Variants in SLC7A9 observed in about 807,000 individuals in gnomAD.
SLC7A9 encodes the protein B(0,+)-type amino acid transporter 1.
SLC7A9 carries 38 observed loss-of-function variants against 54.1 expected under a neutral mutation model. The observed-to-expected ratio is 0.70, with a 90% confidence interval of 0.54 to 0.92. The LOEUF (loss-of-function observed/expected upper bound fraction) is 0.92, where lower values mean the gene tolerates loss of function less well. Ranked by LOEUF, SLC7A9 falls within the 40% of genes least tolerant of loss-of-function variation. The pLI, the probability that SLC7A9 is intolerant of heterozygous loss-of-function variation, is 0.00. For synonymous variants in SLC7A9, 264 were observed against 258.9 expected (o/e 1.02, Z -0.19); for missense variants, 537 against 636.1 (o/e 0.84, Z 1.68).
rs752681027 is a variant in SLC7A9 at position 32,842,209 on chromosome 19, C to T, written c.1183G>A (p.Val395Met). The T allele has an allele frequency of 1.7e-5, 28 of 1,613,980 alleles. 1 individual carries two copies. The highest frequency in any genetic ancestry group is 1.3e-4 in the East Asian group (6 of 44,890). ...FYGLTILGLI[V>M]MRFTRKELER... is the part of the protein sequence containing the mutation. ...AGCTCTTTCCTTGTAAATCTCATCA[C>T]GATGAGTCCTAGAATCGTCAGGCCA... The change falls in exon 11 of 13, where the codon GTG (valine) becomes ATG (methionine). Residue 395 changes from valine to methionine, a missense_variant. By Grantham distance (21) the Val-to-Met change is conservative. Coordinates refer to ENST00000023064, the MANE Select transcript of SLC7A9 (RefSeq NM_014270.5).
At position 32,864,126 on chromosome 19, in the gene SLC7A9, C is replaced by T. The variant is rs768355648; in HGVS notation, c.448G>A (p.Val150Ile). Residue 150 changes from valine (V) to isoleucine (I), a missense_variant, in exon 4 of 13, where the codon GTT becomes ATT. By Grantham distance (29) the Val-to-Ile change is conservative. Transcript: ENST00000023064. ...GCGGCGGCGGCCAGGCATTTCACAA[C>T]GATTTGAGGAGGCTTGCAGCCCACA... ...FYVGCKPPQIVVKCLAAAAIL... is the reference protein window; with the variant it reads ...FYVGCKPPQIIVKCLAAAAIL... 23 of 1,614,064 alleles carry T rather than the reference C, an allele frequency of 1.4e-5. No homozygotes were observed. The highest frequency in any genetic ancestry group is 1.3e-4 in the Admixed American group (8 of 60,000).
chr19:32,862,091 G>A lies in SLC7A9; in HGVS notation c.704+27C>T, dbSNP rs551185308. The A allele has an allele frequency of 6.6e-6, 10 of 1,503,928 alleles. No homozygotes were observed. The South Asian group carries it at 1.1e-4, about 17-fold the overall frequency. 93.2% of individuals were successfully genotyped at this position (1,503,928 alleles called of 1,614,324 possible). A position where few individuals can be genotyped will look rare whatever the true frequency, so the allele number is the denominator to read the frequency against. ...ACCTGGAGAACCCCACCCACCCCCA[G>A]ACTCGGGACATCTCAGGACACCTCA... On this transcript the variant is annotated intron_variant, in intron 6 of 12. Coordinates refer to ENST00000023064, the MANE Select transcript of SLC7A9 (RefSeq NM_014270.5).
At chr19:32,842,783 T>G (rs931873904) in intron 10 of SLC7A9, among the ~76,000 whole-genome samples, 4 of 152,134 alleles carry the variant, frequency 2.6e-5, no homozygotes, top group Non-Finnish European at 5.9e-5. Flanking sequence ...CGGCTAATTT[T>G]TGTATTTTTA....
chr19:32,847,608 C>G (rs1968338568), intron 9 of SLC7A9, among the ~76,000 whole-genome samples: 1 of 152,168 alleles, frequency 6.6e-6, no homozygotes, highest in African/African-American at 2.4e-5. Context: ...TTGGAAAACA[C>G]TCTGCAGGGT....
At chr19:32,854,059 G>C (rs1217568963) in intron 9 of SLC7A9, among the ~76,000 whole-genome samples, 2 of 150,680 alleles carry the variant, frequency 1.3e-5, no homozygotes, top group East Asian at 3.9e-4. Flanking sequence ...CCAGGCTGGA[G>C]TGCAGTGCAG....
In SLC7A9 at chr19:32,839,042, T is replaced by A. The variant is rs979567771; in HGVS notation, c.1224+3126A>T. 3.9e-5 allele frequency among the ~76,000 whole-genome samples: 6 copies of A among 152,182 alleles called. No individual in the cohort carries two copies. The South Asian group carries it at 6.2e-4, about 16-fold the overall frequency. On this transcript the variant is annotated intron_variant, in intron 11 of 12. Transcript: ENST00000023064. ...CATCTAATTTAAAGTGGCTTCCTTA[T>A]TGGCAGCTTGTCTGGCATACTTTCC...
At chr19:32,854,927 T>C (rs1210621346) in intron 9 of SLC7A9, among the ~76,000 whole-genome samples, 1 of 152,134 alleles carries the variant, frequency 6.6e-6, no homozygotes, top group Non-Finnish European at 1.5e-5. Context: ...ATATGCCAGA[T>C]ACCTGCACTC....
intron 2 of SLC7A9, among the ~76,000 whole-genome samples, chr19:32,866,630 T>G (rs1218644908): frequency 6.6e-6 from 1 of 152,302 alleles, no homozygotes; most frequent in East Asian, 1.9e-4. Flanking sequence ...TCAGCTGTGC[T>G]CTGTGGCCAC....
At chr19:32,869,072 A>AT (rs931055917) in intron 1 of SLC7A9, among the ~76,000 whole-genome samples, 1 of 137,186 alleles carries the variant, frequency 7.3e-6, no homozygotes, top group Non-Finnish European at 1.6e-5. Flanking sequence ...AAAAAAAAAA[A>AT]TTAGCTGGGT....
chr19:32,859,873 T>C lies in SLC7A9; in HGVS notation c.841A>G (p.Thr281Ala). 4 of 1,614,068 alleles carry C rather than the reference T, an allele frequency of 2.5e-6. No individual in the cohort carries two copies. The highest frequency in any genetic ancestry group is 3.4e-6 in the Non-Finnish European group (4 of 1,179,982). Reference protein sequence around the residue: ...NVSYFTVMTATELLQSQAVAV... With the variant: ...NVSYFTVMTAAELLQSQAVAV... ...ACCGCCTGGGACTGCAGGAGTTCGGTGGCAGTCATCACGGTGAAGTAGGAC... is the reference window on the plus strand; with the variant it reads ...ACCGCCTGGGACTGCAGGAGTTCGGCGGCAGTCATCACGGTGAAGTAGGAC... Residue 281 changes from threonine (T) to alanine (A), a missense_variant, in exon 8 of 13, where the codon ACC (threonine) becomes GCC (alanine). Transcript: ENST00000023064.
chr19:32,867,687 G>A (rs1362928516), intron 2 of SLC7A9, among the ~76,000 whole-genome samples: 2 of 151,440 alleles, frequency 1.3e-5, no homozygotes, highest in Admixed American at 1.3e-4. Flanking sequence ...GCTCATGCCT[G>A]TAATCCCAAC....
chr19:32,845,312 T>C (rs967072170), intron 9 of SLC7A9, among the ~76,000 whole-genome samples: 1 of 151,966 alleles, frequency 6.6e-6, no homozygotes, highest in African/African-American at 2.4e-5. Context: ...CTAACCAACA[T>C]GGGGAAACCC....
chr19:32,864,914 G>T, intron 2 of SLC7A9, 138 bp from the exon 3 acceptor site: 2 of 1,113,124 alleles, frequency 1.8e-6, no homozygotes, highest in Non-Finnish European at 2.7e-6. Context: ...CTGAGCGGCT[G>T]CCCTGGCAAC....
intron 11 of SLC7A9, among the ~76,000 whole-genome samples, chr19:32,838,550 G>A (rs1968031650): frequency 6.8e-6 from 1 of 147,268 alleles, no homozygotes. Flanking sequence ...TTGTATATAT[G>A]TTATATATTA....
chr19:32,863,867 G>A (rs1350770421), intron 4 of SLC7A9, among the ~76,000 whole-genome samples: 1 of 152,218 alleles, frequency 6.6e-6, no homozygotes, highest in Non-Finnish European at 1.5e-5. Context: ...GAGAAGCTGG[G>A]CCCTGAGCCA....
chr19:32,830,547 AAAGG>A lies in SLC7A9; in HGVS notation c.*69_*72del, dbSNP rs1238894814. The A allele has an allele frequency of 1.7e-6, 2 of 1,161,774 alleles. No homozygotes were observed. Among genetic ancestry groups the A allele is most frequent in the Admixed American group, 1.7e-5 (1 of 59,300 alleles). The allele number at this position is 1,161,774 out of a possible 1,614,324, so 72.0% of individuals were successfully genotyped here. ...TGAGTATATTTTATTCGTAAGAAAA[AAAGG>A]AAGAAATAACCACAAATATTGCTTA... is the stretch of plus-strand genomic sequence containing the variant. On this transcript the variant is annotated 3_prime_UTR_variant, in exon 13 of 13. Coordinates refer to ENST00000023064, the MANE Select transcript of SLC7A9 (RefSeq NM_014270.5).
chr19:32,862,668 ATTTTT>A, intron 4 of SLC7A9, 82 bp from the exon 5 acceptor site: 3 of 1,000,644 alleles, frequency 3.0e-6, no homozygotes, highest in Non-Finnish European at 3.9e-6. Context: ...TATATTTTTT[ATTTTT>A]TTTTTTTTTT....
In SLC7A9 at chr19:32,844,857, C is replaced by CAAAAAA. The variant is rs386388892; in HGVS notation, c.978-912_978-907dup. 5.6e-4 allele frequency among the ~76,000 whole-genome samples: 17 copies of CAAAAAA among 30,316 alleles called. 6 individuals carry two copies. Among genetic ancestry groups the CAAAAAA allele is most frequent in the Admixed American group, 7.0e-4 (1 of 1,420 alleles). The allele number at this position is 30,316 out of a possible 152,430, so 19.9% of individuals were successfully genotyped here. A position where few individuals can be genotyped will look rare whatever the true frequency, so the allele number is the denominator to read the frequency against. ...TGGACGACAGAGTGAGAATCCATCT[C>CAAAAAA]AAAAAAAAAAAAAAAAAAAAAAAAA... is the stretch of plus-strand genomic sequence containing the variant. On this transcript the variant is annotated intron_variant, in intron 9 of 12. Transcript: ENST00000023064.
intron 1 of SLC7A9, among the ~76,000 whole-genome samples, chr19:32,869,227 A>AAT (rs1181102808): frequency 1.3e-5 from 2 of 151,958 alleles, no homozygotes; most frequent in Non-Finnish European, 2.9e-5. Flanking sequence ...TGTTTCAAAA[A>AAT]ATATATATAT....
Sources: allele counts gnomAD v4.1 joint callset (sites outside exome capture counted in the v4.1 genomes callset), GRCh38; gene constraint gnomAD v4.1.1; transcripts MANE v1.5; gene names NCBI Gene and HGNC (gene_info 2026-07-23, HGNC 2026-07-21).